NSG1: variants seen among roughly 807,000 people sequenced by gnomAD.
NSG1 encodes neuronal vesicle trafficking-associated protein 1.
NSG1 carries 9 observed loss-of-function variants against 19.3 expected under a neutral mutation model. The observed-to-expected ratio is 0.47, with a 90% CI of 0.28 to 0.81. The LOEUF is 0.81. Among genes scored for constraint, NSG1 ranks in the 40% least tolerant of loss-of-function variants. NSG1 has a pLI of 0.11. For synonymous variants in NSG1, 104 were observed against 107.0 expected (o/e 0.97, Z 0.17); for missense variants, 236 against 242.4 (o/e 0.97, Z 0.18).
In NSG1 at chr4:4,418,573, A is replaced by G. The variant is rs1003604066; in HGVS notation, c.*1138A>G. 6.6e-6 allele frequency: 1 copy of G among 152,664 alleles called. No homozygotes were observed. The allele number at this position is 152,664 out of a possible 1,614,324, so 9.5% of individuals were successfully genotyped here. A position where few individuals can be genotyped will look rare whatever the true frequency, so the allele number is the denominator to read the frequency against. ...TGCCAGTTAGATGAACTAAGTGTGT[A>G]AAACAAATAGAAAAGACATTCGCAG... On this transcript the variant is annotated 3_prime_UTR_variant, in exon 5 of 5. Transcript: ENST00000621129.
rs374361637 is a variant in NSG1, at chr4:4,396,681, G to A, written c.246+5090G>A. ...TCCCTAATGACCTTGAGCTTCCTGC[G>A]TGCCCATCTGTTTCCACATTCTCCA... On this transcript the variant is annotated intron_variant, in intron 3 of 4. Coordinates refer to ENST00000621129, the MANE Select transcript of NSG1 (RefSeq NM_014392.5). Among the ~76,000 whole-genome samples the A allele has an allele frequency of 4.3e-3, 71 of 16,446 alleles. No individual in the cohort carries two copies. In the Middle Eastern group the frequency reaches 0.12, roughly 29 times the overall value. The allele number at this position is 16,446 out of a possible 152,430, so 10.8% of individuals were successfully genotyped here.
chr4:4,416,085 C>G (rs1015353337), intron 4 of NSG1: 2 of 702,364 alleles, frequency 2.8e-6, no homozygotes, highest in Admixed American at 4.0e-5. Context: ...GGCTTCTTTA[C>G]TTGAGCCACT....
intron 4 of NSG1, 146 bp from the exon 5 acceptor site, chr4:4,417,089 C>T (rs2108759433): frequency 1.5e-6 from 1 of 676,896 alleles, no homozygotes; most frequent in East Asian, 2.7e-5. Context: ...TCTCTCAGGG[C>T]AAGATCCATG....
At chr4:4,414,211 C>T (rs1234264006) in intron 4 of NSG1, among the ~76,000 whole-genome samples, 9 of 151,646 alleles carry the variant, frequency 5.9e-5, no homozygotes, top group South Asian at 4.2e-4. Context: ...GATACCTGGC[C>T]TGGGTGGGAG....
chr4:4,409,794 C>A, intron 4 of NSG1, 111 bp downstream of exon 4: 1 of 833,214 alleles, frequency 1.2e-6, no homozygotes, highest in Non-Finnish European at 2.0e-6. Flanking sequence ...ACGGACAGGC[C>A]TTAGAGCAGC....
In NSG1 at chr4:4,391,528, A is replaced by C; in HGVS notation, c.183A>C (p.Ala61=). The C allele has an allele frequency of 6.2e-7, 1 of 1,613,888 alleles. No homozygotes were observed. ...AACCTGACCGCAAGAAAGGGAAAGC[A>C]CGTCCTCCCCAAATTGCTGAGTTCA... ...EYEPDRKKGK[A]RPPQIAEFTV... Residue 61 remains alanine, a synonymous_variant, in exon 3 of 5, where the codon GCA becomes GCC. Transcript: ENST00000621129.
At chr4:4,407,279 G>C (rs73793271) in intron 3 of NSG1, among the ~76,000 whole-genome samples, 3,384 of 152,304 alleles carry the variant, frequency 0.022, 133 homozygotes, top group African/African-American at 0.077. Context: ...GGATGGGCCT[G>C]CTCAGAGGGG....
chr4:4,396,046 C>G (rs1723232254), intron 3 of NSG1, among the ~76,000 whole-genome samples: 1 of 152,168 alleles, frequency 6.6e-6, no homozygotes, highest in Non-Finnish European at 1.5e-5. Flanking sequence ...GAGGACTCCC[C>G]CAGCGGCGGC....
intron 4 of NSG1, 28 bp downstream of exon 4, chr4:4,409,711 C>G: frequency 6.4e-7 from 1 of 1,562,674 alleles, no homozygotes; most frequent in Non-Finnish European, 8.8e-7. Flanking sequence ...CCCAGAGGCC[C>G]TGGGACGCCT....
rs1258037370 is a variant in NSG1 at position 4,418,153 on chromosome 4, G to A, written c.*718G>A. ...AGACTGGCAGAGCATGTGAGGGAGA[G>A]GGCTGGGAAGAGACGGCCCTGGGCC... On this transcript the variant is annotated 3_prime_UTR_variant, in exon 5 of 5. Coordinates refer to ENST00000621129, the MANE Select transcript of NSG1 (RefSeq NM_014392.5). 2 of 152,928 alleles carry A rather than the reference G, an allele frequency of 1.3e-5. No individual in the cohort carries two copies. Among genetic ancestry groups the A allele is most frequent in the Non-Finnish European group, 2.9e-5 (2 of 68,654 alleles). The allele number at this position is 152,928 out of a possible 1,614,324, so 9.5% of individuals were successfully genotyped here.
chr4:4,402,413 A>T (rs1346574801), intron 3 of NSG1, among the ~76,000 whole-genome samples: 1 of 84,298 alleles, frequency 1.2e-5, no homozygotes, highest in Non-Finnish European at 2.0e-5. Flanking sequence ...TTTGAGACGG[A>T]GTCTTGCTCT....
At chr4:4,393,359 A>G (rs1723093357) in intron 3 of NSG1, among the ~76,000 whole-genome samples, 1 of 152,206 alleles carries the variant, frequency 6.6e-6, no homozygotes, top group Non-Finnish European at 1.5e-5. Flanking sequence ...GCAGGTCCCC[A>G]GGTCTCTTGC....
At chr4:4,391,372 C>T in intron 2 of NSG1, 103 bp from the exon 3 acceptor site, 9 of 704,438 alleles carry the variant, frequency 1.3e-5, no homozygotes, top group South Asian at 6.0e-5. Flanking sequence ...TGAATTTCTT[C>T]CTGGCAAATG....
chr4:4,407,429 C>T lies in NSG1; in HGVS notation c.247-2144C>T, dbSNP rs116771806. Reference sequence around the variant, plus strand: ...CGGTGGGATGTAGCAGGTAGCCAGGCGGAGTGCGAGAGCAGCCTGGGCTGG... The same window carrying T: ...CGGTGGGATGTAGCAGGTAGCCAGGTGGAGTGCGAGAGCAGCCTGGGCTGG... On this transcript the variant is annotated intron_variant, in intron 3 of 4. Coordinates refer to ENST00000621129, the MANE Select transcript of NSG1 (RefSeq NM_014392.5). Among the ~76,000 whole-genome samples the T allele has an allele frequency of 4.1e-3, 623 of 152,120 alleles. 4 individuals are homozygous for T. The highest frequency in any genetic ancestry group is 0.014 in the African/African-American group (590 of 41,514).
At chr4:4,396,220 C>T (rs1182492126) in intron 3 of NSG1, among the ~76,000 whole-genome samples, 3 of 151,894 alleles carry the variant, frequency 2.0e-5, no homozygotes, top group Admixed American at 6.5e-5. Context: ...AGTGGCGGGT[C>T]GGGGCTGCTG....
At chr4:4,410,844 A>G (rs202022712) in intron 4 of NSG1, among the ~76,000 whole-genome samples, 4 of 152,214 alleles carry the variant, frequency 2.6e-5, no homozygotes, top group South Asian at 4.1e-4. Flanking sequence ...GCTCACTGTA[A>G]CCTTTTTACT....
At chr4:4,402,386 T>TA (rs1402771380) in intron 3 of NSG1, among the ~76,000 whole-genome samples, 5 of 93,768 alleles carry the variant, frequency 5.3e-5, no homozygotes, top group Admixed American at 1.0e-4. Flanking sequence ...TTTTTTTTTT[T>TA]TTTTTTTTTT....
At chr4:4,395,896 G>A (rs985546931) in intron 3 of NSG1, among the ~76,000 whole-genome samples, 3 of 152,194 alleles carry the variant, frequency 2.0e-5, no homozygotes, top group Non-Finnish European at 4.4e-5. Context: ...TGGCATCCTT[G>A]AAACGGAGTG....
At chr4:4,393,002 G>T (rs1723078331) in intron 3 of NSG1, among the ~76,000 whole-genome samples, 1 of 152,168 alleles carries the variant, frequency 6.6e-6, no homozygotes, top group Non-Finnish European at 1.5e-5. Flanking sequence ...GCGCTGGCCA[G>T]TGGGATTAGC....
Sources: allele counts gnomAD v4.1 joint callset (sites outside exome capture counted in the v4.1 genomes callset), GRCh38; gene constraint gnomAD v4.1.1; transcripts MANE v1.5; gene names NCBI Gene and HGNC (gene_info 2026-07-23, HGNC 2026-07-21).